Variants in PRDM11 observed in about 807,000 individuals in gnomAD.
PRDM11 encodes PR domain-containing protein 11.
In PRDM11, 20 loss-of-function variants were observed where a neutral mutation model predicts 97.8. The observed-to-expected ratio is 0.20, with a 90% CI of 0.14 to 0.30. PRDM11 has a LOEUF of 0.30. Ranked by LOEUF, PRDM11 falls within the 10% of genes least tolerant of loss-of-function variation. PRDM11 has a pLI of 1.00. For synonymous variants in PRDM11, 599 were observed against 637.7 expected (o/e 0.94, Z 0.91); for missense variants, 1,139 against 1,555.2 (o/e 0.73, Z 4.50).
rs1338420462 is a variant in PRDM11 at position 45,199,468 on chromosome 11, C to G, written c.487-5243C>G. On this transcript the variant is annotated intron_variant, in intron 4 of 7. Transcript: ENST00000683152. ...CTTCCCACATCTGATGATGATGGCT[C>G]TGCTTTCTCAGGCCTCTTCTTCTCC... Among the ~76,000 whole-genome samples, 3 of 152,234 alleles carry G rather than the reference C, an allele frequency of 2.0e-5. No individual in the cohort carries two copies. In the South Asian group the frequency reaches 6.2e-4, roughly 32 times the overall value.
At chr11:45,127,343 G>A (rs576546735) in intron 1 of PRDM11, among the ~76,000 whole-genome samples, 11 of 152,344 alleles carry the variant, frequency 7.2e-5, no homozygotes, top group Admixed American at 7.2e-4. Flanking sequence ...ACTTGTCAAA[G>A]TCATTCTCCG....
chr11:45,151,665 C>T (rs531966404), intron 1 of PRDM11, among the ~76,000 whole-genome samples: 2 of 152,326 alleles, frequency 1.3e-5, no homozygotes, highest in South Asian at 2.1e-4. Flanking sequence ...TTGCAGCTTA[C>T]AGCAGAAGGA....
chr11:45,207,896 G>C (rs1445310325), intron 5 of PRDM11, among the ~76,000 whole-genome samples: 1 of 152,226 alleles, frequency 6.6e-6, no homozygotes, highest in African/African-American at 2.4e-5. Flanking sequence ...TGCGCTCTGA[G>C]CTTTCCTCCA....
intron 1 of PRDM11, among the ~76,000 whole-genome samples, chr11:45,107,630 G>A (rs571720821): frequency 2.0e-5 from 3 of 152,206 alleles, no homozygotes; most frequent in Admixed American, 6.5e-5. Context: ...GTGGGGGACA[G>A]GGCAGGGGTA....
chr11:45,224,952 G>A, intron 7 of PRDM11, 109 bp downstream of exon 7: 1 of 1,575,362 alleles, frequency 6.3e-7, no homozygotes, highest in South Asian at 1.1e-5. Flanking sequence ...GACCTGAGGA[G>A]TGTAACGTGG....
chr11:45,225,405 G>A (rs1035279951), intron 7 of PRDM11, among the ~76,000 whole-genome samples: 2 of 152,178 alleles, frequency 1.3e-5, no homozygotes, highest in African/African-American at 4.8e-5. Flanking sequence ...AGAGTTGGTT[G>A]ACAACTAGGC....
At chr11:45,119,054 A>G (rs1852364393) in intron 1 of PRDM11, among the ~76,000 whole-genome samples, 2 of 152,114 alleles carry the variant, frequency 1.3e-5, no homozygotes, top group Non-Finnish European at 2.9e-5. Context: ...TTATAACCTA[A>G]AAGAGGTCCA....
chr11:45,183,246 C>A, intron 4 of PRDM11, 123 bp downstream of exon 4: 2 of 1,293,006 alleles, frequency 1.5e-6, no homozygotes, highest in Admixed American at 2.9e-5. Flanking sequence ...CTGGACCTGT[C>A]GATGATGGAT....
At chr11:45,103,244 C>A (rs960007527) in intron 1 of PRDM11, among the ~76,000 whole-genome samples, 1 of 152,200 alleles carries the variant, frequency 6.6e-6, no homozygotes, top group Non-Finnish European at 1.5e-5. Flanking sequence ...TGCCTCCTCC[C>A]CGGCCTTGGA....
intron 1 of PRDM11, among the ~76,000 whole-genome samples, chr11:45,119,619 CAAAAAAAAAAAAAAAAAA>C (rs56367204): frequency 0.021 from 921 of 43,154 alleles, 13 homozygotes; most frequent in Non-Finnish European, 0.027. Flanking sequence ...GATTCTGTCT[CAAAAAAAAAAAAAAAAAA>C]AAAAAAAAAA....
Position 45,182,277 on chromosome 11 carries a change from G to A in PRDM11, c.151G>A (p.Val51Ile), listed in dbSNP as rs1228681060. ...GAGACCGGACTCCTCGGCCATGGAA[G>A]TTGAGCCCAAGAAACTGAAGGGGAA... ...SRRPDSSAMEVEPKKLKGKRD... is the reference protein window; with the variant it reads ...SRRPDSSAMEIEPKKLKGKRD... The change falls in exon 3 of 8, where the codon GTT (valine) becomes ATT (isoleucine). Residue 51 changes from valine (V) to isoleucine (I), a missense_variant. Coordinates refer to ENST00000683152, the MANE Select transcript of PRDM11 (RefSeq NM_001384648.1). 4 of 1,613,928 alleles carry A rather than the reference G, an allele frequency of 2.5e-6. No homozygotes were observed. Among genetic ancestry groups the A allele is most frequent in the Admixed American group, 3.3e-5 (2 of 60,008 alleles).
chr11:45,112,528 T>C (rs903770336), intron 1 of PRDM11, among the ~76,000 whole-genome samples: 4 of 152,234 alleles, frequency 2.6e-5, no homozygotes, highest in African/African-American at 9.6e-5. Context: ...TTTTCCATAG[T>C]GGTTGTACTA....
chr11:45,155,659 A>C (rs550885381), intron 1 of PRDM11, among the ~76,000 whole-genome samples: 10 of 151,714 alleles, frequency 6.6e-5, no homozygotes, highest in African/African-American at 2.2e-4. Flanking sequence ...GAGAGGGAGG[A>C]AGGAAAAGCC....
rs759523245 is a variant in PRDM11, at chr11:45,229,429, A to G, written c.*1270A>G. 6.6e-6 allele frequency: 1 copy of G among 152,108 alleles called. No individual in the cohort carries two copies. The highest frequency in any genetic ancestry group is 1.5e-5 in the Non-Finnish European group (1 of 68,088). The allele number at this position is 152,108 out of a possible 1,614,324, so 9.4% of individuals were successfully genotyped here. A position where few individuals can be genotyped will look rare whatever the true frequency, so the allele number is the denominator to read the frequency against. Reference sequence around the variant, plus strand: ...TAGAGATGTCCTAAAGAAATGGAGAAAAGAAGAGAGGACTCTCAAGGCATC... The same window carrying G: ...TAGAGATGTCCTAAAGAAATGGAGAGAAGAAGAGAGGACTCTCAAGGCATC... On this transcript the variant is annotated 3_prime_UTR_variant, in exon 8 of 8. Transcript: ENST00000683152.
chr11:45,147,166 C>T (rs1397431766), intron 1 of PRDM11, among the ~76,000 whole-genome samples: 1 of 151,728 alleles, frequency 6.6e-6, no homozygotes. Context: ...CTCGCTCGCT[C>T]CTCGCCTTGT....
At chr11:45,133,940 T>A (rs1038786353) in intron 1 of PRDM11, among the ~76,000 whole-genome samples, 1 of 152,176 alleles carries the variant, frequency 6.6e-6, no homozygotes, top group Non-Finnish European at 1.5e-5. Context: ...CAAATGCCAA[T>A]CTGCTTCCTG....
At chr11:45,110,841 C>G (rs1414850845) in intron 1 of PRDM11, among the ~76,000 whole-genome samples, 1 of 152,190 alleles carries the variant, frequency 6.6e-6, no homozygotes, top group Non-Finnish European at 1.5e-5. Flanking sequence ...CTTTGCGTTG[C>G]CCAGAAACCA....
intron 4 of PRDM11, among the ~76,000 whole-genome samples, chr11:45,190,273 A>G (rs1475070841): frequency 2.6e-5 from 4 of 151,796 alleles, no homozygotes; most frequent in African/African-American, 9.7e-5. Flanking sequence ...CAGCCTCCCA[A>G]GTAGCTGGGA....
chr11:45,108,263 G>A (rs1289543717), intron 1 of PRDM11, among the ~76,000 whole-genome samples: 3 of 152,150 alleles, frequency 2.0e-5, no homozygotes, highest in African/African-American at 7.2e-5. Context: ...TTCCCCATGA[G>A]TGTGACCCGC....
Sources: allele counts gnomAD v4.1 joint callset (sites outside exome capture counted in the v4.1 genomes callset), GRCh38; gene constraint gnomAD v4.1.1; transcripts MANE v1.5; gene names NCBI Gene and HGNC (gene_info 2026-07-23, HGNC 2026-07-21).